The following PLAG1 variants were observed in gnomAD, a reference collection of about 807,000 sequenced individuals.
PLAG1 encodes the protein zinc finger protein PLAG1.
A neutral mutation model predicts 35.5 loss-of-function variants in PLAG1; 7 were observed. The observed-to-expected ratio is 0.20, with a 90% confidence interval of 0.11 to 0.37. The LOEUF is 0.37. PLAG1 is among the 10% of genes least tolerant of loss of function. The pLI is 1.00. For synonymous variants in PLAG1, 229 were observed against 225.4 expected (o/e 1.02, Z -0.14); for missense variants, 454 against 602.8 (o/e 0.75, Z 2.58).
rs746890565 is a variant in PLAG1 at position 56,168,300 on chromosome 8, A to C, written c.-31T>G. Reference sequence around the variant, plus strand: ...CCTAAACCAGGCCTTCTTGTTGGACACTTGGGAACTGCCCAACTCCACTAA... The same window carrying C: ...CCTAAACCAGGCCTTCTTGTTGGACCCTTGGGAACTGCCCAACTCCACTAA... On this transcript the variant is annotated 5_prime_UTR_variant, in exon 4 of 5. Coordinates refer to ENST00000316981, the MANE Select transcript of PLAG1 (RefSeq NM_002655.3). 2 of 1,580,642 alleles carry C rather than the reference A, an allele frequency of 1.3e-6. No homozygotes were observed. Among genetic ancestry groups the C allele is most frequent in the Non-Finnish European group, 1.7e-6 (2 of 1,161,568 alleles).
chr8:56,209,375 T>C (rs1410457697), intron 1 of PLAG1: 3 of 152,268 alleles, frequency 2.0e-5, no homozygotes, highest in Non-Finnish European at 2.9e-5. Flanking sequence ...TTATCCCTCC[T>C]GTCCCTCCAT....
At position 56,203,035 on chromosome 8, in the gene PLAG1, G is replaced by T. The variant is rs1007333868; in HGVS notation, c.-322+8086C>A. 4.6e-5 allele frequency among the ~76,000 whole-genome samples: 7 copies of T among 152,100 alleles called. No homozygotes were observed. The East Asian group carries it at 1.4e-3, about 29-fold the overall frequency. Reference sequence around the variant, plus strand: ...TACAACAGACATTCAACCAAGTACTGACCTATTTGTCACTACTTTTCTTTG... The same window carrying T: ...TACAACAGACATTCAACCAAGTACTTACCTATTTGTCACTACTTTTCTTTG... On this transcript the variant is annotated intron_variant, in intron 1 of 4. Transcript: ENST00000316981.
intron 1 of PLAG1, among the ~76,000 whole-genome samples, chr8:56,195,417 C>T (rs1812329977): frequency 6.6e-6 from 1 of 152,176 alleles, no homozygotes; most frequent in Non-Finnish European, 1.5e-5. Flanking sequence ...CACTATTATT[C>T]CAGATAAGGG....
At chr8:56,183,193 C>T (rs775693876) in intron 1 of PLAG1, among the ~76,000 whole-genome samples, 1 of 152,080 alleles carries the variant, frequency 6.6e-6, no homozygotes, top group Non-Finnish European at 1.5e-5. Context: ...ATTGTTGAAA[C>T]CTTTCTGGAA....
chr8:56,178,490 A>C (rs1811772786), intron 2 of PLAG1, among the ~76,000 whole-genome samples: 1 of 152,214 alleles, frequency 6.6e-6, no homozygotes, highest in Admixed American at 6.5e-5. Context: ...TGATAGCTAA[A>C]ATTTTAATGC....
At chr8:56,170,248 G>C (rs963980591) in intron 3 of PLAG1, among the ~76,000 whole-genome samples, 1 of 152,162 alleles carries the variant, frequency 6.6e-6, no homozygotes, top group African/African-American at 2.4e-5. Context: ...AATCCGCCTT[G>C]CTGTTTAAAA....
rs1419085637 is a variant in PLAG1 at position 56,165,416 on chromosome 8, A to G, written c.*827T>C. The G allele has an allele frequency of 4.6e-6, 1 of 217,796 alleles. No individual in the cohort carries two copies. Among genetic ancestry groups the G allele is most frequent in the African/African-American group, 2.3e-5 (1 of 44,432 alleles). The allele number at this position is 217,796 out of a possible 1,614,324, so 13.5% of individuals were successfully genotyped here. A position where few individuals can be genotyped will look rare whatever the true frequency, so the allele number is the denominator to read the frequency against. On this transcript the variant is annotated 3_prime_UTR_variant, in exon 5 of 5. Coordinates refer to ENST00000316981, the MANE Select transcript of PLAG1 (RefSeq NM_002655.3). Reference sequence around the variant, plus strand: ...TTGGATGTGAAAGGTGGAAAAGACTAAAGAGATCTACCTATATATCGACTC... The same window carrying G: ...TTGGATGTGAAAGGTGGAAAAGACTGAAGAGATCTACCTATATATCGACTC...
intron 1 of PLAG1, among the ~76,000 whole-genome samples, chr8:56,193,402 C>G (rs1205502853): frequency 1.3e-5 from 2 of 152,230 alleles, no homozygotes; most frequent in East Asian, 3.9e-4. Context: ...TACACTTCAC[C>G]CTACACAGTA....
chr8:56,170,182 T>A (rs1811479947), intron 3 of PLAG1, among the ~76,000 whole-genome samples: 2 of 152,234 alleles, frequency 1.3e-5, no homozygotes, highest in South Asian at 4.1e-4. Flanking sequence ...GCTTCAGGTG[T>A]CTTTCTTTAT....
chr8:56,203,093 T>C (rs1038868468), intron 1 of PLAG1, among the ~76,000 whole-genome samples: 6 of 152,162 alleles, frequency 3.9e-5, no homozygotes, highest in African/African-American at 1.2e-4. Flanking sequence ...TATATCACGA[T>C]CTTTAAGTAA....
At chr8:56,169,992 G>A (rs186596821) in intron 3 of PLAG1, among the ~76,000 whole-genome samples, 312 of 152,278 alleles carry the variant, frequency 2.0e-3, no homozygotes, top group Middle Eastern at 3.4e-3. Flanking sequence ...TGACTTTCAC[G>A]GATTCCAGTT....
At chr8:56,174,595 T>C (rs1811633848) in intron 2 of PLAG1, among the ~76,000 whole-genome samples, 1 of 152,180 alleles carries the variant, frequency 6.6e-6, no homozygotes, top group African/African-American at 2.4e-5. Flanking sequence ...AAAGTAACTG[T>C]TGAATGAATG....
rs983289412 is a variant in PLAG1, at chr8:56,164,266, A to T, written c.*1977T>A. ...TATAGGAGCATGATAAAATATCAGG[A>T]GCCAAAGCTCCTTCAGAGAGCAACT... On this transcript the variant is annotated 3_prime_UTR_variant, in exon 5 of 5. Coordinates refer to ENST00000316981, the MANE Select transcript of PLAG1 (RefSeq NM_002655.3). The T allele has an allele frequency of 4.7e-6, 1 of 213,240 alleles. No homozygotes were observed. The highest frequency in any genetic ancestry group is 9.5e-6 in the Non-Finnish European group (1 of 105,246). 13.2% of individuals were successfully genotyped at this position (213,240 alleles called of 1,614,324 possible).
intron 1 of PLAG1, among the ~76,000 whole-genome samples, chr8:56,200,934 C>CT (rs1300596231): frequency 6.6e-6 from 1 of 152,168 alleles, no homozygotes. Context: ...AAAAATTTTT[C>CT]TTTTTCGCCC....
chr8:56,184,844 G>A (rs1674867280), intron 1 of PLAG1, among the ~76,000 whole-genome samples: 1 of 152,168 alleles, frequency 6.6e-6, no homozygotes, highest in Admixed American at 6.5e-5. Flanking sequence ...TTGAACTTGG[G>A]AGGCTTGAAC....
chr8:56,181,990 T>C (rs1811880086), intron 1 of PLAG1, among the ~76,000 whole-genome samples: 1 of 152,218 alleles, frequency 6.6e-6, no homozygotes, highest in African/African-American at 2.4e-5. Context: ...AGTCAGAGAT[T>C]AGAACCACAG....
intron 2 of PLAG1, among the ~76,000 whole-genome samples, chr8:56,174,936 A>G (rs905599860): frequency 2.0e-5 from 3 of 152,210 alleles, no homozygotes; most frequent in Non-Finnish European, 4.4e-5. Context: ...TGCAAATACT[A>G]TGCCATTTTA....
intron 3 of PLAG1, among the ~76,000 whole-genome samples, chr8:56,170,619 C>T (rs577019662): frequency 6.6e-6 from 1 of 152,268 alleles, no homozygotes; most frequent in African/African-American, 2.4e-5. Context: ...TAACTAATAT[C>T]TGAAAATACT....
Position 56,173,915 on chromosome 8 carries a change from C to T in PLAG1, c.-216-2726G>A, listed in dbSNP as rs528358332. ...AACTAACAAGCCAAAATGAGTCATA[C>T]ATCAGAGGGTCTACTAAAATCAGTT... On this transcript the variant is annotated intron_variant, in intron 2 of 4. Coordinates refer to ENST00000316981, the MANE Select transcript of PLAG1 (RefSeq NM_002655.3). Among the ~76,000 whole-genome samples the T allele has an allele frequency of 4.0e-4, 61 of 152,206 alleles. No homozygotes were observed. The South Asian group carries it at 0.013, about 32-fold the overall frequency.
Sources: gnomAD v4.1 joint callset for allele counts (sites outside exome capture counted in the v4.1 genomes callset) on GRCh38, gnomAD v4.1.1 for gene constraint, MANE v1.5 for transcripts, NCBI Gene and HGNC (gene_info 2026-07-23, HGNC 2026-07-21) for gene names.